Variants in CAMK4 observed in about 807,000 individuals in gnomAD.
CAMK4 encodes the protein calcium/calmodulin-dependent protein kinase type IV.
Under a neutral mutation model 44.9 loss-of-function variants are expected in CAMK4, and 22 were observed. The ratio of observed to expected loss-of-function variants is 0.49; its 90% CI spans 0.35 to 0.70. CAMK4 has a LOEUF of 0.70. CAMK4 is among the 30% of genes least tolerant of loss of function. The pLI, the probability that CAMK4 is intolerant of heterozygous loss-of-function variation, is 0.01. For missense variants in CAMK4, 498 were observed against 586.8 expected, an observed-to-expected ratio of 0.85 and a Z score of 1.56; for synonymous variants, 218 against 215.4, an observed-to-expected ratio of 1.01 and a Z score of -0.11.
At chr5:111,362,777 C>A (rs1750643895) in intron 2 of CAMK4, among the ~76,000 whole-genome samples, 1 of 152,088 alleles carries the variant, frequency 6.6e-6, no homozygotes. Flanking sequence ...GGAGTAAAGA[C>A]CCAGCCAGGC....
At chr5:111,430,277 A>G (rs1357536280) in intron 5 of CAMK4, among the ~76,000 whole-genome samples, 3 of 152,228 alleles carry the variant, frequency 2.0e-5, no homozygotes, top group Non-Finnish European at 4.4e-5. Context: ...TCCTTTCATG[A>G]TAAAATACCT....
intron 4 of CAMK4, among the ~76,000 whole-genome samples, chr5:111,386,198 C>A (rs1027750308): frequency 1.3e-5 from 2 of 152,154 alleles, no homozygotes; most frequent in African/African-American, 4.8e-5. Context: ...TTGAAACTTA[C>A]AAAGAAGTGG....
At chr5:111,247,922 G>A (rs1372839344) in intron 1 of CAMK4, among the ~76,000 whole-genome samples, 1 of 152,166 alleles carries the variant, frequency 6.6e-6, no homozygotes, top group Non-Finnish European at 1.5e-5. Context: ...TTGAGAAATG[G>A]TAGATTAAGG....
chr5:111,390,354 G>T (rs978443240), intron 4 of CAMK4, among the ~76,000 whole-genome samples: 1 of 151,954 alleles, frequency 6.6e-6, no homozygotes, highest in African/African-American at 2.4e-5. Context: ...TTATACTTTT[G>T]ACATATCTGT....
At chr5:111,471,071 T>C (rs1326727735) in intron 7 of CAMK4, among the ~76,000 whole-genome samples, 1 of 152,228 alleles carries the variant, frequency 6.6e-6, no homozygotes, top group Non-Finnish European at 1.5e-5. Context: ...AATTATACTG[T>C]TGAAGCCATG....
At chr5:111,481,867 T>C (rs927685517) in intron 9 of CAMK4, 4 of 152,198 alleles carry the variant, frequency 2.6e-5, no homozygotes, top group African/African-American at 9.7e-5. Flanking sequence ...TTTTAAAAAG[T>C]TATATATGCA....
intron 5 of CAMK4, among the ~76,000 whole-genome samples, chr5:111,424,097 C>A (rs1359806877): frequency 6.6e-6 from 1 of 152,196 alleles, no homozygotes; most frequent in East Asian, 1.9e-4. Flanking sequence ...CTACTATGCC[C>A]TGCTATAGAC....
In CAMK4 at chr5:111,464,954, C is replaced by T. The variant is rs376684189; in HGVS notation, c.626-8357C>T. ...CTTGGATCCTGAGTGATGAGTCAAT[C>T]GGCTTTGTGAACACTCCCAAACCAA... On this transcript the variant is annotated intron_variant, in intron 7 of 10. Coordinates refer to ENST00000282356, the MANE Select transcript of CAMK4 (RefSeq NM_001744.6). Among the ~76,000 whole-genome samples, 53 of 152,228 alleles carry T rather than the reference C, an allele frequency of 3.5e-4. No homozygotes were observed. In the East Asian group the frequency reaches 6.6e-3, roughly 19 times the overall value.
chr5:111,467,796 AT>A (rs1283799971), intron 7 of CAMK4, among the ~76,000 whole-genome samples: 1 of 152,136 alleles, frequency 6.6e-6, no homozygotes, highest in Non-Finnish European at 1.5e-5. Flanking sequence ...CAGTGTGGAG[AT>A]TCCTTAAATA....
Position 111,229,288 on chromosome 5 carries a change from C to T in CAMK4, c.161+4644C>T, listed in dbSNP as rs187980998. Among the ~76,000 whole-genome samples the T allele has an allele frequency of 2.4e-3, 368 of 152,302 alleles. 1 individual carries two copies. The highest frequency in any genetic ancestry group is 0.01 in the Middle Eastern group (3 of 294). ...TCTCTGTTTTGCAGATGGCTGCCTT[C>T]TCGCTGTGTCGTCACAAGGCAGAGA... is the stretch of plus-strand genomic sequence containing the variant. On this transcript the variant is annotated intron_variant, in intron 1 of 10. Coordinates refer to ENST00000282356, the MANE Select transcript of CAMK4 (RefSeq NM_001744.6).
At chr5:111,349,245 A>AT (rs1450962702) in intron 2 of CAMK4, among the ~76,000 whole-genome samples, 2 of 151,860 alleles carry the variant, frequency 1.3e-5, no homozygotes, top group Non-Finnish European at 2.9e-5. Flanking sequence ...TCTTGTATAT[A>AT]TTGTCTAATT....
chr5:111,285,098 T>C (rs1751185713), intron 1 of CAMK4, among the ~76,000 whole-genome samples: 2 of 152,212 alleles, frequency 1.3e-5, no homozygotes, highest in South Asian at 2.1e-4. Flanking sequence ...TTCTTTTGGC[T>C]GGAGCATAAA....
intron 1 of CAMK4, among the ~76,000 whole-genome samples, chr5:111,310,970 A>G (rs865880507): frequency 3.3e-5 from 5 of 152,278 alleles, no homozygotes; most frequent in Middle Eastern, 3.4e-3. Context: ...TATCCGTTCT[A>G]AGAACACCAG....
chr5:111,456,715 T>C (rs551711018), intron 7 of CAMK4, among the ~76,000 whole-genome samples: 29 of 152,130 alleles, frequency 1.9e-4, no homozygotes, highest in Admixed American at 1.2e-3. Flanking sequence ...AGACTACTGG[T>C]TTTCCAAATA....
chr5:111,308,677 AG>A, intron 1 of CAMK4, among the ~76,000 whole-genome samples: 1 of 152,332 alleles, frequency 6.6e-6, no homozygotes, highest in East Asian at 1.9e-4. Flanking sequence ...TTTCAGGAAA[AG>A]TCAGTTATGT....
At chr5:111,407,357 AAAAAG>A (rs1206013914) in intron 5 of CAMK4, among the ~76,000 whole-genome samples, 3 of 151,364 alleles carry the variant, frequency 2.0e-5, no homozygotes, top group Non-Finnish European at 2.9e-5. Flanking sequence ...TAAAAAAAAA[AAAAAG>A]AAAAGAAAAA....
intron 7 of CAMK4, among the ~76,000 whole-genome samples, chr5:111,461,699 C>T (rs892495566): frequency 6.6e-6 from 1 of 151,692 alleles, no homozygotes. Flanking sequence ...TCTTCTCCCT[C>T]CTCCCTCCTC....
chr5:111,232,577 A>T (rs1362619470), intron 1 of CAMK4, among the ~76,000 whole-genome samples: 1 of 151,922 alleles, frequency 6.6e-6, no homozygotes, highest in Non-Finnish European at 1.5e-5. Context: ...CAACCTGTTT[A>T]AAAAAAACAA....
intron 1 of CAMK4, among the ~76,000 whole-genome samples, chr5:111,232,236 C>T (rs1748508521): frequency 6.6e-6 from 1 of 151,716 alleles, no homozygotes; most frequent in Non-Finnish European, 1.5e-5. Context: ...AATAAGGCAC[C>T]AACAATATAT....
Sources: gnomAD v4.1 joint callset for allele counts (sites outside exome capture counted in the v4.1 genomes callset) on GRCh38, gnomAD v4.1.1 for gene constraint, MANE v1.5 for transcripts, NCBI Gene and HGNC (gene_info 2026-07-23, HGNC 2026-07-21) for gene names.